Variants in TMTC2 observed in about 807,000 individuals in gnomAD.
TMTC2 encodes the protein protein O-mannosyl-transferase TMTC2.
In TMTC2, 43 loss-of-function variants were observed where a neutral mutation model predicts 82.4. That is an observed-to-expected ratio of 0.52 (90% CI 0.41 to 0.67). TMTC2 has a LOEUF of 0.67. Among genes scored for constraint, TMTC2 ranks in the 30% least tolerant of loss-of-function variants. The probability of loss-of-function intolerance (pLI) is 0.00; values close to 1 mark genes in which losing one functional copy is unlikely to be tolerated. For synonymous variants in TMTC2, 408 were observed against 381.9 expected (o/e 1.07, Z -0.80); for missense variants, 919 against 1,012.4 (o/e 0.91, Z 1.25).
At chr12:82,719,689 C>G (rs201333278) in intron 1 of TMTC2, among the ~76,000 whole-genome samples, 7 of 20,576 alleles carry the variant, frequency 3.4e-4, no homozygotes, top group South Asian at 1.4e-3. Flanking sequence ...TTTTTTTTTT[C>G]GTAATGTCAT....
intron 1 of TMTC2, among the ~76,000 whole-genome samples, chr12:82,835,999 A>C (rs563801697): frequency 6.6e-6 from 1 of 152,354 alleles, no homozygotes; most frequent in East Asian, 1.9e-4. Context: ...TATATGAGTA[A>C]AATACAGTGT....
chr12:82,802,381 G>A (rs1000276006), intron 1 of TMTC2, among the ~76,000 whole-genome samples: 13 of 152,246 alleles, frequency 8.5e-5, no homozygotes, highest in Admixed American at 3.3e-4. Context: ...TGGCCAGCCC[G>A]GAAAGGGGCT....
intron 1 of TMTC2, among the ~76,000 whole-genome samples, chr12:82,711,288 G>A (rs17009879): frequency 0.014 from 2,200 of 152,186 alleles, 48 homozygotes; most frequent in African/African-American, 0.05. Context: ...GATCACCTAC[G>A]CTAACAGAAT....
At chr12:82,830,309 A>G (rs1291021389) in intron 1 of TMTC2, among the ~76,000 whole-genome samples, 1 of 150,844 alleles carries the variant, frequency 6.6e-6, no homozygotes, top group Non-Finnish European at 1.5e-5. Context: ...ATGTTAATTG[A>G]TCCTCGAACA....
At chr12:83,012,775 G>A (rs955967711) in intron 8 of TMTC2, among the ~76,000 whole-genome samples, 1 of 152,146 alleles carries the variant, frequency 6.6e-6, no homozygotes, top group African/African-American at 2.4e-5. Context: ...TTCATGAACA[G>A]TGGTCGTGAT....
chr12:83,115,185 A>G (rs1884713767), intron 11 of TMTC2, among the ~76,000 whole-genome samples: 1 of 152,176 alleles, frequency 6.6e-6, no homozygotes, highest in Non-Finnish European at 1.5e-5. Flanking sequence ...CCTTCTGTGT[A>G]ATATGATTAT....
chr12:83,123,100 A>G (rs939118234), intron 11 of TMTC2, among the ~76,000 whole-genome samples: 12 of 152,220 alleles, frequency 7.9e-5, no homozygotes, highest in African/African-American at 2.9e-4. Context: ...TGATAGCCAT[A>G]GAAATGTATA....
chr12:82,806,925 A>G lies in TMTC2; in HGVS notation c.84-50085A>G, dbSNP rs917381692. Among the ~76,000 whole-genome samples the G allele has an allele frequency of 7.9e-5, 12 of 152,092 alleles. 1 individual carries two copies. The highest frequency in any genetic ancestry group is 1.8e-4 in the Non-Finnish European group (12 of 68,006). ...AGCTGTATATACACCATTCTTAAGT[A>G]CATGGACTGTGTACATATTTTGTCC... On this transcript the variant is annotated intron_variant, in intron 1 of 11. Coordinates refer to ENST00000321196, the MANE Select transcript of TMTC2 (RefSeq NM_152588.3).
chr12:82,869,352 G>T (rs2137133696), intron 2 of TMTC2, among the ~76,000 whole-genome samples: 1 of 152,226 alleles, frequency 6.6e-6, no homozygotes, highest in Admixed American at 6.5e-5. Flanking sequence ...TGGCAGGAGG[G>T]AGACATTTTT....
At chr12:82,835,878 G>T (rs1870010225) in intron 1 of TMTC2, among the ~76,000 whole-genome samples, 1 of 152,158 alleles carries the variant, frequency 6.6e-6, no homozygotes, top group African/African-American at 2.4e-5. Flanking sequence ...GCTTATGGAA[G>T]TTTAATGCTG....
intron 2 of TMTC2, among the ~76,000 whole-genome samples, chr12:82,881,242 T>C (rs1296539446): frequency 2.0e-5 from 3 of 152,228 alleles, no homozygotes; most frequent in South Asian, 2.1e-4. Context: ...TTGGGTTGTA[T>C]TGAAGTCTTA....
rs1874742474 is a variant in TMTC2, at chr12:82,912,617, A to G, written c.1483+15971A>G. Among the ~76,000 whole-genome samples, 3 of 152,184 alleles carry G rather than the reference A, an allele frequency of 2.0e-5. No homozygotes were observed. The South Asian group carries it at 6.2e-4, about 31-fold the overall frequency. On this transcript the variant is annotated intron_variant, in intron 3 of 11. Transcript: ENST00000321196. ...CTGAATATTTTCCAAAGATGATGGC[A>G]TCATGTTACCTTCACAATTGTGGTT...
intron 10 of TMTC2, among the ~76,000 whole-genome samples, chr12:83,058,866 G>A (rs935510170): frequency 5.3e-5 from 8 of 151,724 alleles, no homozygotes; most frequent in African/African-American, 1.7e-4. Context: ...ATCTAATTGT[G>A]AGCTTTTAAA....
intron 11 of TMTC2, among the ~76,000 whole-genome samples, chr12:83,126,080 A>G (rs1260625552): frequency 3.9e-5 from 6 of 152,206 alleles, no homozygotes; most frequent in African/African-American, 9.6e-5. Context: ...CAAATCTTAC[A>G]TATATCAAGA....
At chr12:82,859,067 A>ATTT (rs1224587372) in intron 2 of TMTC2, among the ~76,000 whole-genome samples, 14 of 130,498 alleles carry the variant, frequency 1.1e-4, no homozygotes, top group African/African-American at 3.4e-4. Context: ...AAATATTGTG[A>ATTT]TTTTTTTTTT....
chr12:82,929,386 A>G (rs567595455), intron 3 of TMTC2, among the ~76,000 whole-genome samples: 8 of 152,278 alleles, frequency 5.3e-5, no homozygotes, highest in African/African-American at 1.9e-4. Flanking sequence ...GCTTGTTTAT[A>G]TTAACACACT....
chr12:82,755,640 C>T (rs1592495707), intron 1 of TMTC2, among the ~76,000 whole-genome samples: 1 of 152,148 alleles, frequency 6.6e-6, no homozygotes, highest in East Asian at 1.9e-4. Context: ...GATACAGAAT[C>T]CTGAGGACCT....
chr12:82,750,143 A>G (rs1875906182), intron 1 of TMTC2, among the ~76,000 whole-genome samples: 1 of 152,010 alleles, frequency 6.6e-6, no homozygotes, highest in Admixed American at 6.5e-5. Context: ...CTCACTACAT[A>G]CTTATTTGTA....
chr12:83,105,791 G>T (rs1039482218), intron 11 of TMTC2, among the ~76,000 whole-genome samples: 1 of 152,166 alleles, frequency 6.6e-6, no homozygotes, highest in African/African-American at 2.4e-5. Flanking sequence ...CCTACTAGGA[G>T]AAAAGTACCC....
Sources: gnomAD v4.1 joint callset for allele counts (sites outside exome capture counted in the v4.1 genomes callset) on GRCh38, gnomAD v4.1.1 for gene constraint, MANE v1.5 for transcripts, NCBI Gene and HGNC (gene_info 2026-07-23, HGNC 2026-07-21) for gene names.